Variants in SMYD4 observed in about 807,000 individuals in gnomAD.
SMYD4 encodes the protein protein-lysine N-methyltransferase SMYD4.
Under a neutral mutation model 72.8 loss-of-function variants are expected in SMYD4, and 68 were observed. The ratio of observed to expected loss-of-function variants is 0.93; its 90% confidence interval spans 0.77 to 1.14. The LOEUF (loss-of-function observed/expected upper bound fraction) is 1.14, where lower values mean the gene tolerates loss of function less well. Among genes scored for constraint, SMYD4 ranks in the 50% most tolerant of loss-of-function variants. SMYD4 has a pLI of 0.00. For missense variants in SMYD4, 984 were observed against 1,003.7 expected (o/e 0.98, Z 0.27); for synonymous variants, 407 against 388.6 (o/e 1.05, Z -0.56).
Position 1,817,830 on chromosome 17 carries a change from G to A in SMYD4, c.135-5715C>T, listed in dbSNP as rs1038975265. Among the ~76,000 whole-genome samples, 6 of 152,036 alleles carry A rather than the reference G, an allele frequency of 3.9e-5. No homozygotes were observed. The East Asian group carries it at 1.2e-3, about 29-fold the overall frequency. ...TGGGAGGCCGAGGTGGGCGGATCACGAGGTCAGGAGATTGAGACCATCCTG... is the reference window on the plus strand; with the variant it reads ...TGGGAGGCCGAGGTGGGCGGATCACAAGGTCAGGAGATTGAGACCATCCTG... On this transcript the variant is annotated intron_variant, in intron 2 of 10. Coordinates refer to ENST00000305513, the MANE Select transcript of SMYD4 (RefSeq NM_052928.3).
intron 2 of SMYD4, among the ~76,000 whole-genome samples, chr17:1,818,093 T>G (rs1157379076): frequency 1.3e-5 from 2 of 151,260 alleles, no homozygotes; most frequent in African/African-American, 4.8e-5. Flanking sequence ...CTCTTAACTT[T>G]AGGTCTCTGA....
At chr17:1,788,111 G>A (rs1037267750) in intron 5 of SMYD4, among the ~76,000 whole-genome samples, 41 of 152,192 alleles carry the variant, frequency 2.7e-4, no homozygotes, top group African/African-American at 9.2e-4. Context: ...AAATCCCGAG[G>A]CTCACGCAGA....
chr17:1,809,040 A>G (rs918837383), intron 3 of SMYD4, among the ~76,000 whole-genome samples: 2 of 152,162 alleles, frequency 1.3e-5, no homozygotes, highest in East Asian at 1.9e-4. Context: ...TTCAAATGAA[A>G]AACAAATTTT....
intron 10 of SMYD4, chr17:1,782,381 G>A (rs72822453): frequency 0.27 from 40,650 of 150,670 alleles, 6,082 homozygotes; most frequent in East Asian, 0.38. Flanking sequence ...AATCCAAAAT[G>A]TCTCCAGAGA....
chr17:1,813,346 A>G (rs978276569), intron 2 of SMYD4, among the ~76,000 whole-genome samples: 7 of 152,342 alleles, frequency 4.6e-5, no homozygotes, highest in Admixed American at 6.5e-5. Flanking sequence ...GAAGAGAGAT[A>G]ATGAGAATGA....
At chr17:1,788,327 G>A (rs1270448326) in intron 5 of SMYD4, among the ~76,000 whole-genome samples, 1 of 151,886 alleles carries the variant, frequency 6.6e-6, no homozygotes, top group Non-Finnish European at 1.5e-5. Flanking sequence ...ACTCCAGCCT[G>A]GGTGACAGAG....
rs756211983 is a variant in SMYD4 at position 1,817,792 on chromosome 17, C to T, written c.135-5677G>A. 5.2e-4 allele frequency among the ~76,000 whole-genome samples: 79 copies of T among 152,094 alleles called. 1 individual carries two copies. The highest frequency in any genetic ancestry group is 1.8e-3 in the African/African-American group (73 of 41,494). ...ACAATTGGCCGGGCACAGTGGATCA[C>T]GCCCCAGAACTTTGGGAGGCCGAGG... On this transcript the variant is annotated intron_variant, in intron 2 of 10. Transcript: ENST00000305513.
At chr17:1,788,839 C>T (rs1342214832) in intron 5 of SMYD4, among the ~76,000 whole-genome samples, 1 of 152,186 alleles carries the variant, frequency 6.6e-6, no homozygotes, top group Non-Finnish European at 1.5e-5. Context: ...GCCAGAGGCT[C>T]TACCTGTGCT....
chr17:1,796,299 G>T (rs375005366), intron 5 of SMYD4, among the ~76,000 whole-genome samples: 22 of 109,546 alleles, frequency 2.0e-4, no homozygotes, highest in African/African-American at 3.3e-4. Flanking sequence ...ATGCCTGGCT[G>T]TTTTTTTTTT....
At chr17:1,813,102 C>A (rs544561478) in intron 2 of SMYD4, among the ~76,000 whole-genome samples, 83 of 152,242 alleles carry the variant, frequency 5.5e-4, no homozygotes, top group African/African-American at 1.8e-3. Context: ...CCACGTTCAG[C>A]CAATTTTTGT....
Position 1,784,361 on chromosome 17 carries a change from C to G in SMYD4, c.1985G>C (p.Arg662Thr). 3.7e-6 allele frequency: 6 copies of G among 1,614,248 alleles called. No individual in the cohort carries two copies. The highest frequency in any genetic ancestry group is 5.1e-6 in the Non-Finnish European group (6 of 1,180,054). ...ATCTCTGAGAAGCTTCTGGGCCACT[C>G]TGACCTGCTGCTGTAGGTCCTGTAA... is the stretch of plus-strand genomic sequence containing the variant. The part of the protein sequence containing the change: ...SRLQDLQQQV[R>T]VAQKLLRDGE... Residue 662 changes from arginine (R) to threonine (T), a missense_variant, in exon 8 of 11, where the codon AGA (arginine) becomes ACA (threonine). Arg to Thr is a moderately conservative substitution (Grantham distance 71). Transcript: ENST00000305513.
rs1353244906 is a variant in SMYD4 at position 1,827,978 on chromosome 17, T to A, written c.17A>T (p.Asp6Val). MDLPV[D>V]EWKSYLLQKW... ...TTGAAGCAGATATGATTTCCATTCA[T>A]CCACAGGCAGATCCATGCTGCTTTT... Residue 6 changes from aspartate (D) to valine (V), a missense_variant, in exon 2 of 11, where the codon GAT becomes GTT. Coordinates refer to ENST00000305513, the MANE Select transcript of SMYD4 (RefSeq NM_052928.3). The A allele has an allele frequency of 3.7e-6, 6 of 1,611,860 alleles. No homozygotes were observed. Among genetic ancestry groups the A allele is most frequent in the Non-Finnish European group, 4.2e-6 (5 of 1,178,200 alleles).
At chr17:1,801,961 G>C (rs1185458891) in intron 4 of SMYD4, among the ~76,000 whole-genome samples, 2 of 151,912 alleles carry the variant, frequency 1.3e-5, no homozygotes, top group African/African-American at 2.4e-5. Flanking sequence ...GGGTGACAGA[G>C]CGACACTCTG....
chr17:1,824,163 T>A (rs1911038576), intron 2 of SMYD4, among the ~76,000 whole-genome samples: 1 of 152,016 alleles, frequency 6.6e-6, no homozygotes, highest in Non-Finnish European at 1.5e-5. Flanking sequence ...GCCAACATGG[T>A]AAAACCCCGT....
chr17:1,785,892 C>G (rs1567765321), intron 7 of SMYD4, among the ~76,000 whole-genome samples: 1 of 152,240 alleles, frequency 6.6e-6, no homozygotes, highest in Non-Finnish European at 1.5e-5. Context: ...CATGACTCCC[C>G]TAAGAAGAAT....
Position 1,781,252 on chromosome 17 carries a change from C to A in SMYD4, c.*34G>T. On this transcript the variant is annotated 3_prime_UTR_variant, in exon 11 of 11. Transcript: ENST00000305513. ...ACCTCTTTAACTTGTGTTCCATGGG[C>A]TCCTTTTCTGTGGGTCAAAATCCTC... 1 of 1,599,934 alleles carries A rather than the reference C, an allele frequency of 6.3e-7. No homozygotes were observed. The highest frequency in any genetic ancestry group is 1.1e-5 in the South Asian group (1 of 89,260).
intron 2 of SMYD4, among the ~76,000 whole-genome samples, chr17:1,812,553 T>TA (rs1910385222): frequency 7.5e-6 from 1 of 134,104 alleles, no homozygotes; most frequent in African/African-American, 2.8e-5. Flanking sequence ...TTCTTTTTTT[T>TA]TTTTTTTTTT....
chr17:1,826,714 T>C (rs982915481), intron 2 of SMYD4, among the ~76,000 whole-genome samples: 6 of 152,166 alleles, frequency 3.9e-5, no homozygotes, highest in Admixed American at 2.6e-4. Flanking sequence ...TCTGCAAATA[T>C]ATAAGGTTCT....
At chr17:1,795,752 T>G (rs938211457) in intron 5 of SMYD4, among the ~76,000 whole-genome samples, 3 of 150,940 alleles carry the variant, frequency 2.0e-5, no homozygotes, top group Admixed American at 1.3e-4. Context: ...CGTGAGTTTT[T>G]TTTTTTTTTT....
Sources: gnomAD v4.1 joint callset for allele counts (sites outside exome capture counted in the v4.1 genomes callset) on GRCh38, gnomAD v4.1.1 for gene constraint, MANE v1.5 for transcripts, NCBI Gene and HGNC (gene_info 2026-07-23, HGNC 2026-07-21) for gene names.